VEGFB: variants seen among roughly 807,000 people sequenced by gnomAD.
VEGFB encodes vascular endothelial growth factor B.
In VEGFB, 24 loss-of-function variants were observed where a neutral mutation model predicts 22.5. The observed-to-expected ratio is 1.07, with a 90% confidence interval of 0.77 to 1.50. The LOEUF is 1.50. Among genes scored for constraint, VEGFB ranks in the 40% most tolerant of loss-of-function variants. The pLI, the probability that VEGFB is intolerant of heterozygous loss-of-function variation, is 0.00. For missense variants in VEGFB, 327 were observed against 287.8 expected (o/e 1.14, Z -0.99); for synonymous variants, 141 against 117.4 (o/e 1.20, Z -1.30).
rs1591079949 is a variant in VEGFB, at chr11:64,236,396, C to G, written c.374+69C>G. The stretch of plus-strand genomic sequence containing the variant: ...GGGGGGTGCTGGGTATGGTGGTCCA[C>G]AGAACTGGGGACCAGGTTCCTAAGA... On this transcript the variant is annotated intron_variant, in intron 4 of 6. Transcript: ENST00000309422. 5 of 1,492,486 alleles carry G rather than the reference C, an allele frequency of 3.4e-6. No individual in the cohort carries two copies. The East Asian group carries it at 1.1e-4, about 34-fold the overall frequency. The allele number at this position is 1,492,486 out of a possible 1,614,324, so 92.5% of individuals were successfully genotyped here.
chr11:64,236,753 C>A (rs1296175510), intron 4 of VEGFB, among the ~76,000 whole-genome samples: 1 of 132,448 alleles, frequency 7.6e-6, no homozygotes, highest in African/African-American at 2.8e-5. Flanking sequence ...AAGAGTAGAG[C>A]CAAGGGTAGG....
intron 6 of VEGFB, among the ~76,000 whole-genome samples, 165 bp from the exon 7 acceptor site, chr11:64,238,191 A>T (rs907862049): frequency 1.3e-5 from 2 of 152,006 alleles, no homozygotes; most frequent in African/African-American, 2.4e-5. Flanking sequence ...GGAGGGGATG[A>T]CCTTTGCAAA....
In VEGFB at chr11:64,237,514, A is replaced by C. The variant is rs1030695375; in HGVS notation, c.505A>C (p.Thr169Pro). 6.2e-7 allele frequency: 1 copy of C among 1,608,268 alleles called. No homozygotes were observed. The highest frequency in any genetic ancestry group is 8.5e-7 in the Non-Finnish European group (1 of 1,178,810). ...CTCCCCAGCTGACATCACCCATCCC[A>C]CTCCAGCCCCAGGCCCCTCTGCCCA... ...APSPADITHPTPAPGPSAHAA... is the reference protein window; with the variant it reads ...APSPADITHPPPAPGPSAHAA... The change falls in exon 6 of 7, where the codon ACT becomes CCT. Residue 169 changes from threonine to proline, a missense_variant. Thr to Pro is a conservative substitution (Grantham distance 38). Coordinates refer to ENST00000309422, the MANE Select transcript of VEGFB (RefSeq NM_003377.5).
chr11:64,237,803 G>A, intron 6 of VEGFB, 148 bp downstream of exon 6: 1 of 734,832 alleles, frequency 1.4e-6, no homozygotes, highest in Non-Finnish European at 2.1e-6. Flanking sequence ...ACAGCTGCTG[G>A]CACCTGGAGC....
chr11:64,237,480 C>G lies in VEGFB; in HGVS notation c.471C>G (p.Pro157=), dbSNP rs199596813. Residue 157 remains proline (P), a synonymous_variant, in exon 6 of 7, where the codon CCC becomes CCG. Coordinates refer to ENST00000309422, the MANE Select transcript of VEGFB (RefSeq NM_003377.5). Reference sequence around the variant, plus strand: ...CTGTTCCGGGCTGGGACTCTGCCCCCGGAGCACCCTCCCCAGCTGACATCA... The same window carrying G: ...CTGTTCCGGGCTGGGACTCTGCCCCGGGAGCACCCTCCCCAGCTGACATCA... ...PRSVPGWDSA[P]GAPSPADITH... is the part of the protein sequence containing the mutation. 1.2e-6 allele frequency: 2 copies of G among 1,612,346 alleles called. No individual in the cohort carries two copies. The highest frequency in any genetic ancestry group is 1.7e-6 in the Non-Finnish European group (2 of 1,179,704).
chr11:64,237,109 G>GAGAGAGAGAGAGA (rs2030128731), intron 4 of VEGFB, 78 bp from the exon 5 acceptor site: 1 of 664,138 alleles, frequency 1.5e-6, no homozygotes, highest in African/African-American at 2.3e-5. Context: ...GAGAGAGAGA[G>GAGAGAGAGAGAGA]AGAGAGAGAG....
chr11:64,235,443 T>A lies in VEGFB; in HGVS notation c.61-15T>A. 6.2e-7 allele frequency: 1 copy of A among 1,613,680 alleles called. No homozygotes were observed. Among genetic ancestry groups the A allele is most frequent in the Non-Finnish European group, 8.5e-7 (1 of 1,179,846 alleles). ...CTAAAGTGTACCTTGGGTACAGGTCTTTTCTCTCCCACAGGCCCCTGTCTC... is the reference window on the plus strand; with the variant it reads ...CTAAAGTGTACCTTGGGTACAGGTCATTTCTCTCCCACAGGCCCCTGTCTC... On this transcript the variant is annotated splice_polypyrimidine_tract_variant and intron_variant, in intron 1 of 6. Transcript: ENST00000309422.
Position 64,234,971 on chromosome 11 carries a change from C to A in VEGFB, c.60+78C>A. 1 of 1,177,520 alleles carries A rather than the reference C, an allele frequency of 8.5e-7. No individual in the cohort carries two copies. 72.9% of individuals were successfully genotyped at this position (1,177,520 alleles called of 1,614,324 possible). ...TTGGCGGAAGTGAGGAGGCGACCCG[C>A]GGCCTCGGCCGAGGGGATCTGCGGG... On this transcript the variant is annotated intron_variant, in intron 1 of 6. Coordinates refer to ENST00000309422, the MANE Select transcript of VEGFB (RefSeq NM_003377.5). The surrounding 1 kb of genome is among the most constrained non-coding windows in gnomAD (Gnocchi z 5.3).
At position 64,237,526 on chromosome 11, in the gene VEGFB, GGCCCCTCTGCCCAC is replaced by G. The variant is rs747360941; in HGVS notation, c.520_533del (p.Pro174CysfsTer45). ...CATCACCCATCCCACTCCAGCCCCA[GGCCCCTCTGCCCAC>G]GCTGCACCCAGCACCACCAGCGCCC... On this transcript the variant is annotated frameshift_variant, in exon 6 of 7. Transcript: ENST00000309422. LOFTEE classifies it high-confidence loss of function. The G allele has an allele frequency of 6.2e-6, 10 of 1,610,810 alleles. No individual in the cohort carries two copies. The African/African-American group carries it at 1.3e-4, about 22-fold the overall frequency.
At chr11:64,237,270 G>A (rs1219618058) in intron 5 of VEGFB, 48 bp downstream of exon 5, 3 of 1,567,126 alleles carry the variant, frequency 1.9e-6, no homozygotes, top group East Asian at 2.3e-5. Context: ...GAGTACAAGT[G>A]AGTCCAGAAG....
intron 4 of VEGFB, 111 bp downstream of exon 4, chr11:64,236,438 G>T: frequency 1.9e-6 from 2 of 1,069,728 alleles, no homozygotes; most frequent in East Asian, 2.5e-5. Context: ...CCAAGGGGCC[G>T]GGCGTGGTAG....
chr11:64,237,435 CCA>C lies in VEGFB; in HGVS notation c.428_429del (p.His143ProfsTer21), dbSNP rs758811934. ...VKPDRAATPH[H>X]RPQPRSVPGW... is the part of the protein sequence containing the mutation. Reference sequence around the variant, plus strand: ...TCCTCCCTAGGGCTGCCACTCCCCACCACCGTCCCCAGCCCCGTTCTGTTCCG... The same window carrying C: ...TCCTCCCTAGGGCTGCCACTCCCCACCCGTCCCCAGCCCCGTTCTGTTCCG... On this transcript the variant is annotated frameshift_variant, in exon 6 of 7. Coordinates refer to ENST00000309422, the MANE Select transcript of VEGFB (RefSeq NM_003377.5). LOFTEE classifies it high-confidence loss of function. 9 of 1,596,226 alleles carry C rather than the reference CCA, an allele frequency of 5.6e-6. No individual in the cohort carries two copies. The African/African-American group carries it at 1.2e-4, about 21-fold the overall frequency.
chr11:64,236,408 C>G (rs961791622), intron 4 of VEGFB, 81 bp downstream of exon 4: 47 of 1,417,704 alleles, frequency 3.3e-5, no homozygotes, highest in Non-Finnish European at 2.2e-5. Context: ...GAACTGGGGA[C>G]CAGGTTCCTA....
chr11:64,237,433 C>A lies in VEGFB; in HGVS notation c.424C>A (p.His142Asn), dbSNP rs1024925608. Residue 142 changes from histidine (H) to asparagine (N), a missense_variant, in exon 6 of 7, where the codon CAC (histidine) becomes AAC (asparagine). His to Asn is a moderately conservative substitution (Grantham distance 68). Coordinates refer to ENST00000309422, the MANE Select transcript of VEGFB (RefSeq NM_003377.5). ...AVKPDRAATP[H>N]HRPQPRSVPG... The stretch of plus-strand genomic sequence containing the variant: ...TCTCCTCCCTAGGGCTGCCACTCCC[C>A]ACCACCGTCCCCAGCCCCGTTCTGT... 1 of 1,594,780 alleles carries A rather than the reference C, an allele frequency of 6.3e-7. No homozygotes were observed. The highest frequency in any genetic ancestry group is 1.3e-5 in the African/African-American group (1 of 74,520).
intron 1 of VEGFB, among the ~76,000 whole-genome samples, chr11:64,235,141 T>C (rs1456547357): frequency 6.6e-6 from 1 of 152,026 alleles, no homozygotes; most frequent in Non-Finnish European, 1.5e-5. Context: ...CGGGGCTCCC[T>C]CGGTGCCTGC....
rs1397592202 is a variant in VEGFB at position 64,237,030 on chromosome 11, C to T, written c.375-157C>T. ...CCTGGGAGGCGGAGGTTGCAGTGAG[C>T]CGAGACCACGCCACTGCACTCCAGC... On this transcript the variant is annotated intron_variant, in intron 4 of 6. Transcript: ENST00000309422. The T allele has an allele frequency of 5.7e-5, 32 of 565,042 alleles. 5 individuals are homozygous for T. Among genetic ancestry groups the T allele is most frequent in the African/African-American group, 1.5e-4 (8 of 54,082 alleles). 35.0% of individuals were successfully genotyped at this position (565,042 alleles called of 1,614,324 possible).
rs764493625 is a variant in VEGFB, at chr11:64,235,808, C to G, written c.104-5C>G. 1.2e-5 allele frequency: 19 copies of G among 1,613,704 alleles called. No homozygotes were observed. The East Asian group carries it at 4.0e-4, about 34-fold the overall frequency. On this transcript the variant is annotated splice_region_variant and splice_polypyrimidine_tract_variant and intron_variant, in intron 2 of 6. Transcript: ENST00000309422. ...AGGACTTAACCCCTACCGGTCTGCT[C>G]CCAGTGGTGTCATGGATAGATGTGT...
chr11:64,237,341 G>C, intron 5 of VEGFB, 79 bp from the exon 6 acceptor site: 1 of 1,504,158 alleles, frequency 6.6e-7, no homozygotes. Flanking sequence ...TGCTCCCCAA[G>C]CCTGTGTTCT....
intron 2 of VEGFB, 113 bp downstream of exon 2, chr11:64,235,613 C>A: frequency 2.3e-6 from 3 of 1,317,476 alleles, no homozygotes; most frequent in South Asian, 1.2e-5. Flanking sequence ...AACTATTATT[C>A]TACCCATTTC....
Sources: allele counts gnomAD v4.1 joint callset (sites outside exome capture counted in the v4.1 genomes callset), GRCh38; gene constraint gnomAD v4.1.1; non-coding constraint Gnocchi (gnomAD v3.1); transcripts MANE v1.5; gene names NCBI Gene and HGNC (gene_info 2026-07-23, HGNC 2026-07-21).